Variants in ATP6V1G1 observed in about 807,000 individuals in gnomAD.
ATP6V1G1 encodes the protein V-type proton ATPase subunit G 1.
In ATP6V1G1, 14 loss-of-function variants were observed where a neutral mutation model predicts 14.2. The observed-to-expected ratio is 0.99, with a 90% CI of 0.65 to 1.55. ATP6V1G1 has a LOEUF of 1.55. Ranked by LOEUF, ATP6V1G1 falls within the 40% of genes most tolerant of loss-of-function variation. ATP6V1G1 has a pLI of 0.00. For synonymous variants in ATP6V1G1, 65 were observed against 53.3 expected (o/e 1.22, Z -0.96); for missense variants, 137 against 146.4 (o/e 0.94, Z 0.33).
intron 2 of ATP6V1G1, among the ~76,000 whole-genome samples, chr9:114,594,862 T>C (rs1845220935): frequency 1.1e-4 from 1 of 8,704 alleles, no homozygotes; most frequent in Admixed American, 2.1e-3. Context: ...TCTTTTTTTC[T>C]TTTTTTTTTT....
At chr9:114,597,136 G>A (rs1445161306) in intron 2 of ATP6V1G1, among the ~76,000 whole-genome samples, 1 of 151,366 alleles carries the variant, frequency 6.6e-6, no homozygotes, top group African/African-American at 2.4e-5. Flanking sequence ...GACTACAGGC[G>A]CCCGCTACCA....
At chr9:114,593,860 G>T (rs906773089) in intron 2 of ATP6V1G1, among the ~76,000 whole-genome samples, 1 of 152,094 alleles carries the variant, frequency 6.6e-6, no homozygotes, top group Non-Finnish European at 1.5e-5. Flanking sequence ...GGAGGCTGAG[G>T]TGGGAGGATT....
chr9:114,593,737 G>A (rs1845207164), intron 2 of ATP6V1G1, among the ~76,000 whole-genome samples: 1 of 151,908 alleles, frequency 6.6e-6, no homozygotes, highest in South Asian at 2.1e-4. Flanking sequence ...GGCCTCAAGT[G>A]ATCCTCACAT....
intron 1 of ATP6V1G1, among the ~76,000 whole-genome samples, chr9:114,592,330 A>C (rs555743469): frequency 6.6e-6 from 1 of 152,206 alleles, no homozygotes; most frequent in African/African-American, 2.4e-5. Flanking sequence ...CTGTAGTTAC[A>C]GAAGGTATTC....
intron 2 of ATP6V1G1, 23 bp from the exon 3 acceptor site, chr9:114,597,547 G>A (rs773730024): frequency 1.4e-5 from 21 of 1,468,188 alleles, no homozygotes; most frequent in Non-Finnish European, 1.6e-5. Flanking sequence ...TAATCCCTCC[G>A]TGACATCACT....
At chr9:114,592,165 G>T (rs1845188731) in intron 1 of ATP6V1G1, among the ~76,000 whole-genome samples, 1 of 152,154 alleles carries the variant, frequency 6.6e-6, no homozygotes, top group Non-Finnish European at 1.5e-5. Context: ...TCTGAGTAGG[G>T]TTGCACCTTT....
intron 2 of ATP6V1G1, among the ~76,000 whole-genome samples, chr9:114,595,025 G>GTTTTTT (rs76024528): frequency 7.2e-6 from 1 of 138,148 alleles, no homozygotes. Flanking sequence ...ACGCCTGGCA[G>GTTTTTT]TTTTTTTTTT....
rs1472087843 is a variant in ATP6V1G1, at chr9:114,587,939, C to T, written c.82+19C>T. ...CGCAAAAGTGAGTTTCAGGGTGGGG[C>T]TGCCCGGCGTGGCGCGAGTCGAAGA... On this transcript the variant is annotated intron_variant, in intron 1 of 2. Coordinates refer to ENST00000374050, the MANE Select transcript of ATP6V1G1 (RefSeq NM_004888.4). 2.6e-6 allele frequency: 4 copies of T among 1,560,028 alleles called. No homozygotes were observed. The highest frequency in any genetic ancestry group is 3.9e-5 in the Admixed American group (2 of 51,626).
intron 1 of ATP6V1G1, among the ~76,000 whole-genome samples, chr9:114,589,641 A>G (rs1845163463): frequency 6.6e-6 from 1 of 152,238 alleles, no homozygotes; most frequent in Admixed American, 6.5e-5. Context: ...TGTTCTTCCC[A>G]GAATATTTCC....
intron 2 of ATP6V1G1, among the ~76,000 whole-genome samples, chr9:114,596,986 CT>C (rs71367785): frequency 0.13 from 13,079 of 104,366 alleles, 178 homozygotes; most frequent in Middle Eastern, 0.17. Flanking sequence ...ATAGCAGATT[CT>C]TTTTTTTTTT....
At position 114,597,650 on chromosome 9, in the gene ATP6V1G1, C is replaced by A. The variant is rs759628317; in HGVS notation, c.264C>A (p.Phe88Leu). 6.9e-6 allele frequency: 11 copies of A among 1,590,776 alleles called. No individual in the cohort carries two copies. The South Asian group carries it at 1.1e-4, about 17-fold the overall frequency. Reference protein sequence around the residue: ...QEKMTILQTYFRQNRDEVLDN... With the variant: ...QEKMTILQTYLRQNRDEVLDN... The stretch of plus-strand genomic sequence containing the variant: ...AGATGACCATCCTCCAGACATACTT[C>A]CGGCAGAACAGGGATGAAGTCTTGG... Residue 88 changes from phenylalanine (F) to leucine (L), a missense_variant, in exon 3 of 3, where the codon TTC (phenylalanine) becomes TTA (leucine). Physicochemically the swap from Phe to Leu is conservative, Grantham distance 22 (BLOSUM62 0). Coordinates refer to ENST00000374050, the MANE Select transcript of ATP6V1G1 (RefSeq NM_004888.4).
At chr9:114,590,881 T>C in intron 1 of ATP6V1G1, among the ~76,000 whole-genome samples, 1 of 152,154 alleles carries the variant, frequency 6.6e-6, no homozygotes. Context: ...CTACAATCTC[T>C]GCCTCCCAGG....
chr9:114,597,527 A>G, intron 2 of ATP6V1G1, 43 bp from the exon 3 acceptor site: 4 of 1,430,960 alleles, frequency 2.8e-6, no homozygotes, highest in Non-Finnish European at 3.7e-6. Flanking sequence ...CAACCAGAGC[A>G]TTGTTCTGAT....
In ATP6V1G1 at chr9:114,592,612, G is replaced by A. The variant is rs765667517; in HGVS notation, c.143G>A (p.Arg48His). The A allele has an allele frequency of 3.2e-6, 5 of 1,578,044 alleles. No homozygotes were observed. Among genetic ancestry groups the A allele is most frequent in the Non-Finnish European group, 4.3e-6 (5 of 1,161,010 alleles). ...EEAQAEIEQY[R>H]LQREKEFKAK... ...GCTCAGGCTGAAATTGAACAGTACC[G>A]CCTGCAGAGGGAGAAAGAATTCAAG... is the stretch of plus-strand genomic sequence containing the variant. The change falls in exon 2 of 3, where the codon CGC becomes CAC. Residue 48 changes from arginine (R) to histidine (H), a missense_variant. By Grantham distance (29) the Arg-to-His change is conservative. Transcript: ENST00000374050.
intron 1 of ATP6V1G1, among the ~76,000 whole-genome samples, chr9:114,592,162 AGGGT>A (rs1845188706): frequency 6.6e-6 from 1 of 152,194 alleles, no homozygotes; most frequent in Non-Finnish European, 1.5e-5. Context: ...GCATCTGAGT[AGGGT>A]TGCACCTTTA....
At position 114,597,568 on chromosome 9, in the gene ATP6V1G1, A is replaced by G; in HGVS notation, c.184-2A>G. The G allele has an allele frequency of 6.7e-7, 1 of 1,493,562 alleles. No homozygotes were observed. The highest frequency in any genetic ancestry group is 2.5e-5 in the East Asian group (1 of 39,740). 92.5% of individuals were successfully genotyped at this position (1,493,562 alleles called of 1,614,324 possible). ...CTCCGTGACATCACTCCCCATCTCC[A>G]GGCATTGGGATCCCGTGGCAGTTGC... is the stretch of plus-strand genomic sequence containing the variant. On this transcript the variant is annotated splice_acceptor_variant, in intron 2 of 2. Transcript: ENST00000374050. LOFTEE classifies it high-confidence loss of function.
chr9:114,587,963 G>C lies in ATP6V1G1; in HGVS notation c.82+43G>C, dbSNP rs146776223. 6,889 of 1,549,844 alleles carry C rather than the reference G, an allele frequency of 4.4e-3. 270 individuals carry two copies. In the South Asian group the frequency reaches 0.064, roughly 14 times the overall value. On this transcript the variant is annotated intron_variant, in intron 1 of 2. Coordinates refer to ENST00000374050, the MANE Select transcript of ATP6V1G1 (RefSeq NM_004888.4). ...GCTGCCCGGCGTGGCGCGAGTCGAA[G>C]AAAGACCGCTGGGCCTCAGGTGGTG...
chr9:114,597,978 G>A lies in ATP6V1G1; in HGVS notation c.*235G>A, dbSNP rs540548701. The A allele has an allele frequency of 3.4e-6, 1 of 292,686 alleles. No individual in the cohort carries two copies. Among genetic ancestry groups the A allele is most frequent in the East Asian group, 6.1e-5 (1 of 16,278 alleles). The allele number at this position is 292,686 out of a possible 1,614,324, so 18.1% of individuals were successfully genotyped here. A position where few individuals can be genotyped will look rare whatever the true frequency, so the allele number is the denominator to read the frequency against. On this transcript the variant is annotated 3_prime_UTR_variant, in exon 3 of 3. Transcript: ENST00000374050. ...TTTCTTAGGAATTTAATGGTTATATGTTGTCTTTTTTTCCTATGTCTTTTG... is the reference window on the plus strand; with the variant it reads ...TTTCTTAGGAATTTAATGGTTATATATTGTCTTTTTTTCCTATGTCTTTTG...
rs1196056162 is a variant in ATP6V1G1, at chr9:114,597,686, G to A, written c.300G>A (p.Leu100=). 2 of 1,590,038 alleles carry A rather than the reference G, an allele frequency of 1.3e-6. No individual in the cohort carries two copies. The highest frequency in any genetic ancestry group is 8.5e-7 in the Non-Finnish European group (1 of 1,171,278). ...GGGATGAAGTCTTGGACAACCTCTTGGCTTTTGTCTGTGACATTCGGCCAG... is the reference window on the plus strand; with the variant it reads ...GGGATGAAGTCTTGGACAACCTCTTAGCTTTTGTCTGTGACATTCGGCCAG... ...QNRDEVLDNL[L]AFVCDIRPEI... is the part of the protein sequence containing the mutation. Residue 100 remains leucine, a synonymous_variant, in exon 3 of 3, where the codon TTG becomes TTA. Transcript: ENST00000374050.
Sources: gnomAD v4.1 joint callset for allele counts (sites outside exome capture counted in the v4.1 genomes callset) on GRCh38, gnomAD v4.1.1 for gene constraint, MANE v1.5 for transcripts, NCBI Gene and HGNC (gene_info 2026-07-23, HGNC 2026-07-21) for gene names.